SRBD1: variants seen among roughly 807,000 people sequenced by gnomAD.
SRBD1 encodes the protein S1 RNA-binding domain-containing protein 1.
SRBD1 carries 88 observed loss-of-function variants against 115.3 expected under a neutral mutation model. The ratio of observed to expected loss-of-function variants is 0.76; its 90% CI spans 0.64 to 0.91. SRBD1 has a LOEUF of 0.91. Ranked by LOEUF, SRBD1 falls within the 40% of genes least tolerant of loss-of-function variation. The pLI, the probability that SRBD1 is intolerant of heterozygous loss-of-function variation, is 0.00. For synonymous variants in SRBD1, 509 were observed against 407.7 expected, an observed-to-expected ratio of 1.25 and a Z score of -2.99; for missense variants, 1,385 against 1,177.4, an observed-to-expected ratio of 1.18 and a Z score of -2.58.
intron 12 of SRBD1, 42 bp downstream of exon 12, chr2:45,551,083 C>A: frequency 1.3e-6 from 2 of 1,553,946 alleles, no homozygotes; most frequent in Admixed American, 2.3e-5. Context: ...AACTTATAAC[C>A]AACCAAACAA....
chr2:45,542,668 T>C (rs1463799365), intron 14 of SRBD1, among the ~76,000 whole-genome samples: 3 of 152,194 alleles, frequency 2.0e-5, no homozygotes, highest in African/African-American at 7.2e-5. Flanking sequence ...CCGTATACCA[T>C]ATACCACACA....
chr2:45,421,637 C>T (rs908992497), intron 16 of SRBD1, among the ~76,000 whole-genome samples: 1 of 148,886 alleles, frequency 6.7e-6, no homozygotes, highest in Non-Finnish European at 1.5e-5. Flanking sequence ...TGAATACATT[C>T]GCTATTACTC....
intron 16 of SRBD1, among the ~76,000 whole-genome samples, chr2:45,459,215 A>C (rs1177512449): frequency 6.6e-6 from 1 of 152,210 alleles, no homozygotes; most frequent in East Asian, 1.9e-4. Flanking sequence ...ACTTACAAAA[A>C]ATTCTGTAGG....
chr2:45,606,832 C>A (rs190855170), intron 1 of SRBD1, among the ~76,000 whole-genome samples: 1 of 152,216 alleles, frequency 6.6e-6, no homozygotes, highest in Non-Finnish European at 1.5e-5. Context: ...AAGGACTACA[C>A]TAGGCTCTGA....
chr2:45,447,743 A>C (rs1668870987), intron 16 of SRBD1: 1 of 152,228 alleles, frequency 6.6e-6, no homozygotes, highest in African/African-American at 2.4e-5. Flanking sequence ...ACACTTAGAT[A>C]GTTATTGTAG....
intron 14 of SRBD1, among the ~76,000 whole-genome samples, chr2:45,505,341 C>G (rs1035201414): frequency 6.6e-6 from 1 of 152,152 alleles, no homozygotes; most frequent in Non-Finnish European, 1.5e-5. Context: ...GCCTAGAGAG[C>G]ACATTCTGAA....
At chr2:45,470,673 C>T (rs184377238) in intron 16 of SRBD1, among the ~76,000 whole-genome samples, 21 of 152,296 alleles carry the variant, frequency 1.4e-4, no homozygotes, top group Admixed American at 9.2e-4. Context: ...CCATTCCCCA[C>T]GTCCCAGTGA....
chr2:45,437,008 G>A (rs1012966845), intron 16 of SRBD1, among the ~76,000 whole-genome samples: 4 of 152,154 alleles, frequency 2.6e-5, no homozygotes, highest in South Asian at 2.1e-4. Context: ...TAAAAACACA[G>A]TACATTTACA....
At chr2:45,418,146 T>C (rs561004374) in intron 18 of SRBD1, among the ~76,000 whole-genome samples, 1 of 152,222 alleles carries the variant, frequency 6.6e-6, no homozygotes, top group Non-Finnish European at 1.5e-5. Flanking sequence ...TTATTGTCTG[T>C]GTCACATGTT....
At chr2:45,500,868 A>T (rs1056373296) in intron 14 of SRBD1, among the ~76,000 whole-genome samples, 14 of 152,116 alleles carry the variant, frequency 9.2e-5, no homozygotes, top group African/African-American at 2.9e-4. Flanking sequence ...TTCTTTTCTA[A>T]TTTGGATGCT....
rs1310526075 is a variant in SRBD1, at chr2:45,418,375, T to C, written c.2323A>G (p.Thr775Ala). 1 of 1,613,180 alleles carries C rather than the reference T, an allele frequency of 6.2e-7. No individual in the cohort carries two copies. Among genetic ancestry groups the C allele is most frequent in the Non-Finnish European group, 8.5e-7 (1 of 1,179,652 alleles). Residue 775 changes from threonine (T) to alanine (A), a missense_variant, in exon 18 of 21, where the codon ACG (threonine) becomes GCG (alanine). Transcript: ENST00000263736. Reference sequence around the variant, plus strand: ...TATACTTATACTCACCTGCAAAACGTTCGGATATAATCCTGGTTGATTCTG... The same window carrying C: ...TATACTTATACTCACCTGCAAAACGCTCGGATATAATCCTGGTTGATTCTG... ...FIRINQDYIR[T>A]FCSQQTETSG...
At chr2:45,576,918 T>C (rs1038042145) in intron 7 of SRBD1, among the ~76,000 whole-genome samples, 1 of 152,218 alleles carries the variant, frequency 6.6e-6, no homozygotes, top group African/African-American at 2.4e-5. Context: ...TTTGAAACTT[T>C]ATGTAATTAA....
At chr2:45,605,569 A>G (rs1674242799) in intron 1 of SRBD1, 128 bp from the exon 2 acceptor site, 1 of 849,360 alleles carries the variant, frequency 1.2e-6, no homozygotes, top group African/African-American at 1.7e-5. Flanking sequence ...GTTTATTCAC[A>G]AGCCCAAACA....
At chr2:45,465,385 TA>T (rs1430980932) in intron 16 of SRBD1, among the ~76,000 whole-genome samples, 1 of 152,100 alleles carries the variant, frequency 6.6e-6, no homozygotes, top group Non-Finnish European at 1.5e-5. Flanking sequence ...GAGGGCTGAC[TA>T]TATACACACA....
At chr2:45,484,753 C>T (rs1221651420) in intron 15 of SRBD1, among the ~76,000 whole-genome samples, 4 of 152,210 alleles carry the variant, frequency 2.6e-5, no homozygotes, top group African/African-American at 9.7e-5. Context: ...CCATTCCTGT[C>T]TCTCCCCAGT....
At chr2:45,562,451 A>G (rs186287689) in intron 10 of SRBD1, among the ~76,000 whole-genome samples, 1 of 152,218 alleles carries the variant, frequency 6.6e-6, no homozygotes, top group East Asian at 1.9e-4. Flanking sequence ...CCAGGCTCAT[A>G]TTGAACTCCT....
At chr2:45,441,194 A>G (rs991114590) in intron 16 of SRBD1, among the ~76,000 whole-genome samples, 9 of 152,128 alleles carry the variant, frequency 5.9e-5, no homozygotes, top group African/African-American at 2.2e-4. Flanking sequence ...GTTAATATGG[A>G]AAGGAAAGGT....
rs557133371 is a variant in SRBD1, at chr2:45,512,010, G to A, written c.1875-23679C>T. On this transcript the variant is annotated intron_variant, in intron 14 of 20. Transcript: ENST00000263736. ...CCTTTGAGACACACAGCATGGCTAC[G>A]TGATTTGCTTTGCTTTATCCTGCAA... 6.0e-4 allele frequency among the ~76,000 whole-genome samples: 92 copies of A among 152,270 alleles called. No individual in the cohort carries two copies. In the South Asian group the frequency reaches 7.5e-3, roughly 12 times the overall value.
At chr2:45,403,160 C>T (rs1294607862) in intron 19 of SRBD1, among the ~76,000 whole-genome samples, 2 of 152,184 alleles carry the variant, frequency 1.3e-5, no homozygotes, top group Admixed American at 6.5e-5. Context: ...TCTGTGAAGG[C>T]AAATGGGATT....
Sources: gnomAD v4.1 joint callset for allele counts (sites outside exome capture counted in the v4.1 genomes callset) on GRCh38, gnomAD v4.1.1 for gene constraint, MANE v1.5 for transcripts, NCBI Gene and HGNC (gene_info 2026-07-23, HGNC 2026-07-21) for gene names.